Variants in ABCD2 observed in about 807,000 individuals in gnomAD.
ABCD2 encodes ATP-binding cassette sub-family D member 2.
ABCD2 carries 36 observed loss-of-function variants against 70.9 expected under a neutral mutation model. The ratio of observed to expected loss-of-function variants is 0.51; its 90% CI spans 0.39 to 0.67. The LOEUF (loss-of-function observed/expected upper bound fraction) is 0.67. ABCD2 is among the 30% of genes least tolerant of loss of function. The pLI, the probability that ABCD2 is intolerant of heterozygous loss-of-function variation, is 0.00. For missense variants in ABCD2, 729 were observed against 890.2 expected (o/e 0.82, Z 2.30); for synonymous variants, 304 against 306.9 (o/e 0.99, Z 0.10).
intron 2 of ABCD2, among the ~76,000 whole-genome samples, chr12:39,612,211 C>G (rs1942054632): frequency 6.6e-6 from 1 of 152,162 alleles, no homozygotes; most frequent in African/African-American, 2.4e-5. Flanking sequence ...TGTAATCTAG[C>G]AGTTTTACTT....
At chr12:39,618,593 G>A (rs1441815279) in intron 1 of ABCD2, 84 bp downstream of exon 1, 22 of 1,284,272 alleles carry the variant, frequency 1.7e-5, no homozygotes, top group South Asian at 1.3e-4. Context: ...TGGGTCCATC[G>A]ACAGGACAAC....
At chr12:39,614,636 A>C (rs1942091628) in intron 2 of ABCD2, among the ~76,000 whole-genome samples, 1 of 152,092 alleles carries the variant, frequency 6.6e-6, no homozygotes, top group African/African-American at 2.4e-5. Context: ...CGTGTAAACT[A>C]TGACTGAAGA....
At chr12:39,577,925 CT>C (rs1476025063) in intron 8 of ABCD2, among the ~76,000 whole-genome samples, 1 of 152,058 alleles carries the variant, frequency 6.6e-6, no homozygotes, top group Non-Finnish European at 1.5e-5. Flanking sequence ...TGAAGTTTGA[CT>C]TTTTTTCCGT....
intron 6 of ABCD2, among the ~76,000 whole-genome samples, chr12:39,596,884 A>G (rs565832754): frequency 2.1e-4 from 32 of 152,318 alleles, no homozygotes; most frequent in Admixed American, 5.9e-4. Flanking sequence ...CAGTATTTGC[A>G]TATCACCAAC....
chr12:39,607,805 C>T (rs1941991148), intron 2 of ABCD2, 91 bp from the exon 3 acceptor site: 7 of 798,796 alleles, frequency 8.8e-6, no homozygotes, highest in Non-Finnish European at 1.2e-5. Flanking sequence ...TAAATTGTGG[C>T]TAAAACAACC....
At chr12:39,615,289 A>T (rs773047305) in intron 2 of ABCD2, among the ~76,000 whole-genome samples, 4 of 151,974 alleles carry the variant, frequency 2.6e-5, no homozygotes, top group Non-Finnish European at 5.9e-5. Context: ...AATATACATT[A>T]TATATTAAAC....
intron 8 of ABCD2, among the ~76,000 whole-genome samples, chr12:39,575,465 CT>C (rs749558884): frequency 6.6e-6 from 1 of 152,068 alleles, no homozygotes; most frequent in Non-Finnish European, 1.5e-5. Flanking sequence ...ATTTGCTTTC[CT>C]TTTTGCTTTG....
chr12:39,537,007 G>A, the ABCD2 span, among the ~76,000 whole-genome samples: 1 of 151,858 alleles, frequency 6.6e-6, no homozygotes, highest in East Asian at 1.9e-4. Flanking sequence ...AAACTTGGAG[G>A]CTGCTTCAGG....
chr12:39,565,950 G>A (rs968648234), intron 9 of ABCD2, among the ~76,000 whole-genome samples: 6 of 152,132 alleles, frequency 3.9e-5, no homozygotes, highest in African/African-American at 1.4e-4. Context: ...TGCATATGTT[G>A]AACCAGCCTT....
intron 6 of ABCD2, among the ~76,000 whole-genome samples, chr12:39,590,178 TATAC>T (rs2120656533): frequency 6.6e-6 from 1 of 152,308 alleles, no homozygotes; most frequent in East Asian, 1.9e-4. Context: ...CTACCAAAGT[TATAC>T]ATAATAGATA....
intron 9 of ABCD2, among the ~76,000 whole-genome samples, chr12:39,564,286 C>T (rs11172625): frequency 0.35 from 52,664 of 151,922 alleles, 11,009 homozygotes; most frequent in African/African-American, 0.59. Flanking sequence ...CTCTCCAGCA[C>T]CTGTTGTTTC....
the ABCD2 span, among the ~76,000 whole-genome samples, chr12:39,544,498 A>G: frequency 6.6e-6 from 1 of 152,224 alleles, no homozygotes; most frequent in Non-Finnish European, 1.5e-5. Flanking sequence ...AGTGTAAACT[A>G]TAAACTAAGT....
chr12:39,590,358 CA>C (rs1941729771), intron 6 of ABCD2, among the ~76,000 whole-genome samples: 1 of 152,152 alleles, frequency 6.6e-6, no homozygotes, highest in Non-Finnish European at 1.5e-5. Context: ...ACATAAGCAA[CA>C]AAAGAAATGG....
In ABCD2 at chr12:39,617,185, G is replaced by A; in HGVS notation, c.940-17C>T. ...CATTTCTACCTATAGAGAGGAAAAA[G>A]AGTTGAGGACTTTTTTTAAAGATAT... is the stretch of plus-strand genomic sequence containing the variant. On this transcript the variant is annotated splice_polypyrimidine_tract_variant and intron_variant, in intron 1 of 9. Coordinates refer to ENST00000308666, the MANE Select transcript of ABCD2 (RefSeq NM_005164.4). 1 of 1,517,356 alleles carries A rather than the reference G, an allele frequency of 6.6e-7. No individual in the cohort carries two copies. The highest frequency in any genetic ancestry group is 1.4e-5 in the South Asian group (1 of 73,478). 94.0% of individuals were successfully genotyped at this position (1,517,356 alleles called of 1,614,324 possible).
intron 9 of ABCD2, 46 bp from the exon 10 acceptor site, chr12:39,554,177 A>T: frequency 3.9e-6 from 6 of 1,546,742 alleles, no homozygotes; most frequent in Non-Finnish European, 5.3e-6. Flanking sequence ...AATGTTGAAA[A>T]ATCATTTTAG....
intron 9 of ABCD2, among the ~76,000 whole-genome samples, chr12:39,567,829 A>G (rs1941380295): frequency 6.6e-6 from 1 of 152,212 alleles, no homozygotes; most frequent in Admixed American, 6.5e-5. Context: ...TAGTGGTGAC[A>G]AAATCTCTCA....
At chr12:39,589,451 A>G (rs1011285662) in intron 6 of ABCD2, among the ~76,000 whole-genome samples, 3 of 134,220 alleles carry the variant, frequency 2.2e-5, no homozygotes, top group Admixed American at 8.6e-5. Flanking sequence ...CAGTGGCGCC[A>G]TCTCGGTGGC....
downstream of ABCD2, among the ~76,000 whole-genome samples, chr12:39,545,989 TAGA>T (rs1941022297): frequency 6.6e-6 from 1 of 152,172 alleles, no homozygotes. Flanking sequence ...ATCAAGGAAT[TAGA>T]AGAAATGTTT....
At position 39,619,030 on chromosome 12, in the gene ABCD2, C is replaced by T. The variant is rs746123650; in HGVS notation, c.586G>A (p.Val196Met). The T allele has an allele frequency of 6.2e-7, 1 of 1,614,204 alleles. No individual in the cohort carries two copies. Among genetic ancestry groups the T allele is most frequent in the East Asian group, 2.2e-5 (1 of 44,886 alleles). Residue 196 changes from valine (V) to methionine (M), a missense_variant, in exon 1 of 10, where the codon GTG (valine) becomes ATG (methionine). This residue lies in a region of ABCD2 where 245 missense variants were observed against 261.2 expected (regional missense o/e 0.94). Coordinates refer to ENST00000308666, the MANE Select transcript of ABCD2 (RefSeq NM_005164.4). ...GCCAGCCTCCCATCCATATTGATCA[C>T]TTTATAATAAGTCTGATTTGTAAAA... ...TYFTNQTYYK[V>M]INMDGRLANP...
Sources: allele counts gnomAD v4.1 joint callset (sites outside exome capture counted in the v4.1 genomes callset), GRCh38; gene constraint gnomAD v4.1.1; regional missense constraint gnomAD v4.1.1; transcripts MANE v1.5; gene names NCBI Gene and HGNC (gene_info 2026-07-23, HGNC 2026-07-21).